Variants in HIVEP3 observed in about 807,000 individuals in gnomAD.
HIVEP3 encodes transcription factor HIVEP3.
HIVEP3 carries 49 observed loss-of-function variants against 152.8 expected under a neutral mutation model. The observed-to-expected ratio is 0.32, with a 90% CI of 0.26 to 0.41. The LOEUF is 0.41. Among genes scored for constraint, HIVEP3 ranks in the 10% least tolerant of loss-of-function variants. The probability of loss-of-function intolerance (pLI) is 1.00; values close to 1 mark genes in which losing one functional copy is unlikely to be tolerated. For missense variants in HIVEP3, 2,790 were observed against 3,103.3 expected (o/e 0.90, Z 2.40); for synonymous variants, 1,269 against 1,289.0 (o/e 0.98, Z 0.33).
intron 1 of HIVEP3, among the ~76,000 whole-genome samples, chr1:41,783,517 G>T (rs961210093): frequency 3.3e-5 from 5 of 152,120 alleles, no homozygotes; most frequent in Non-Finnish European, 7.4e-5. Context: ...GGGCTCGCAG[G>T]GTGATGGGAG....
At chr1:41,635,048 C>A (rs1645249007) in intron 2 of HIVEP3, among the ~76,000 whole-genome samples, 1 of 152,104 alleles carries the variant, frequency 6.6e-6, no homozygotes, top group African/African-American at 2.4e-5. Flanking sequence ...TACTAGACTG[C>A]AAGAAAATCT....
chr1:41,544,895 CATCACCACCACCACT>C (rs1643674111), intron 5 of HIVEP3, among the ~76,000 whole-genome samples: 4 of 28,444 alleles, frequency 1.4e-4, no homozygotes, highest in African/African-American at 1.9e-4. Context: ...CTACCACCAC[CATCACCACCACCACT>C]ACCACCTCTA....
chr1:41,720,863 C>T lies in HIVEP3; in HGVS notation c.-800-19868G>A, dbSNP rs928045719. On this transcript the variant is annotated intron_variant, in intron 1 of 8. Transcript: ENST00000372583. ...ACACATACAGTTGAATATTATTCAG[C>T]CTTAAAAAAGAAGGAAATCCTGCAA... Among the ~76,000 whole-genome samples the T allele has an allele frequency of 7.9e-5, 12 of 152,248 alleles. No homozygotes were observed. In the South Asian group the frequency reaches 8.3e-4, roughly 11 times the overall value.
At position 41,638,439 on chromosome 1, in the gene HIVEP3, GAA is replaced by G. The variant is rs1461752230; in HGVS notation, c.-720-9494_-720-9493del. The stretch of plus-strand genomic sequence containing the variant: ...GTAAGGAAGAAAAGGAAGAAAGAAA[GAA>G]AGAGAAAAGAAGAGATGGATGGTGG... On this transcript the variant is annotated intron_variant, in intron 2 of 8. Transcript: ENST00000372583. Among the ~76,000 whole-genome samples, 38 of 152,204 alleles carry G rather than the reference GAA, an allele frequency of 2.5e-4. No individual in the cohort carries two copies. In the East Asian group the frequency reaches 6.6e-3, roughly 26 times the overall value.
intron 1 of HIVEP3, among the ~76,000 whole-genome samples, chr1:41,993,538 A>T (rs187873310): frequency 0.03 from 4,544 of 151,854 alleles, 103 homozygotes; most frequent in African/African-American, 0.057. Flanking sequence ...AGGAACACTT[A>T]TACACTGTTG....
intron 1 of HIVEP3, among the ~76,000 whole-genome samples, chr1:41,970,728 C>T (rs116226313): frequency 0.021 from 3,158 of 152,220 alleles, 65 homozygotes; most frequent in Non-Finnish European, 0.025. Context: ...GAGCTCATTA[C>T]GGTGAGCCCT....
intron 1 of HIVEP3, among the ~76,000 whole-genome samples, chr1:41,829,627 C>T (rs866081838): frequency 6.6e-6 from 1 of 151,628 alleles, no homozygotes; most frequent in African/African-American, 2.4e-5. Context: ...AACAAAACAG[C>T]AGATGTAAAT....
chr1:41,881,240 C>G (rs1644256297), intron 1 of HIVEP3, among the ~76,000 whole-genome samples: 1 of 152,224 alleles, frequency 6.6e-6, no homozygotes, highest in Non-Finnish European at 1.5e-5. Flanking sequence ...TTTGTGCTGA[C>G]TGCTTTTCAA....
chr1:41,531,524 A>G (rs670196), intron 5 of HIVEP3, among the ~76,000 whole-genome samples: 2,966 of 33,798 alleles, frequency 0.088, 58 homozygotes, highest in East Asian at 0.47. Flanking sequence ...AGAGGACAGG[A>G]GAGATGGAGG....
In HIVEP3 at chr1:41,533,373, C is replaced by G. The variant is rs543736772; in HGVS notation, c.5208-8463G>C. On this transcript the variant is annotated intron_variant, in intron 5 of 8. Coordinates refer to ENST00000372583, the MANE Select transcript of HIVEP3 (RefSeq NM_024503.5). The surrounding 1 kb of genome is among the most constrained non-coding windows in gnomAD (Gnocchi z 4.3). Reference sequence around the variant, plus strand: ...TGCCTCCCTCTCCTAGCCCCTTCCACCACCACAGACACAAGCCCAGCTCTC... The same window carrying G: ...TGCCTCCCTCTCCTAGCCCCTTCCAGCACCACAGACACAAGCCCAGCTCTC... Among the ~76,000 whole-genome samples, 4 of 152,244 alleles carry G rather than the reference C, an allele frequency of 2.6e-5. No individual in the cohort carries two copies. In the East Asian group the frequency reaches 7.7e-4, roughly 29 times the overall value.
At chr1:41,627,465 T>G (rs1391861543) in intron 3 of HIVEP3, among the ~76,000 whole-genome samples, 2 of 152,270 alleles carry the variant, frequency 1.3e-5, no homozygotes, top group Admixed American at 1.3e-4. Flanking sequence ...TTCCTTGGAA[T>G]CCAGGGAACG....
intron 2 of HIVEP3, among the ~76,000 whole-genome samples, chr1:41,665,754 G>A (rs1645787063): frequency 1.8e-5 from 1 of 55,462 alleles, no homozygotes; most frequent in African/African-American, 8.5e-5. Context: ...TGGATCTGCT[G>A]TAAAGCCAGC....
At position 41,510,560 on chromosome 1, in the gene HIVEP3, T is replaced by C; in HGVS notation, c.7112A>G (p.Asn2371Ser). Residue 2371 changes from asparagine to serine, a missense_variant, in exon 9 of 9, where the codon AAC becomes AGC. Transcript: ENST00000372583. ...CCTGGTCCTGGGTTCCCCGGAGAGG[T>C]TCCTCGTCCGGGCTGGGAAGCGGGC... ...ASARFPARTRNLSGEPRTRQD... is the reference protein window; with the variant it reads ...ASARFPARTRSLSGEPRTRQD... The C allele has an allele frequency of 6.4e-7, 1 of 1,568,668 alleles. No individual in the cohort carries two copies. Among genetic ancestry groups the C allele is most frequent in the Non-Finnish European group, 8.6e-7 (1 of 1,156,970 alleles).
At chr1:41,972,408 T>C (rs1015304974) in intron 1 of HIVEP3, among the ~76,000 whole-genome samples, 1 of 152,194 alleles carries the variant, frequency 6.6e-6, no homozygotes, top group Admixed American at 6.5e-5. Flanking sequence ...ATTGATCTCC[T>C]GTTAGAGGCA....
In HIVEP3 at chr1:41,582,578, G is replaced by A. The variant is rs774055682; in HGVS notation, c.2220C>T (p.Pro740=). ...FESTKSQFGS[P]GPSDAARNLP... ...GGTTCCGAGCAGCATCAGATGGCCC[G>A]GGGCTGCCAAACTGACTTTTTGTGG... The change falls in exon 4 of 9, where the codon CCC becomes CCT. Residue 740 remains proline (P), a synonymous_variant. Transcript: ENST00000372583. The surrounding 1 kb of genome is among the most constrained non-coding windows in gnomAD (Gnocchi z 4.7). 6.2e-6 allele frequency: 10 copies of A among 1,612,148 alleles called. No homozygotes were observed. Among genetic ancestry groups the A allele is most frequent in the Admixed American group, 3.3e-5 (2 of 59,812 alleles).
intron 1 of HIVEP3, among the ~76,000 whole-genome samples, chr1:41,949,317 T>C (rs1334923778): frequency 6.6e-6 from 1 of 152,222 alleles, no homozygotes; most frequent in Admixed American, 6.5e-5. Context: ...GGTACTCGCA[T>C]TGGCGGTATC....
chr1:41,515,687 C>T (rs1051935259), intron 7 of HIVEP3, among the ~76,000 whole-genome samples: 7 of 152,194 alleles, frequency 4.6e-5, no homozygotes, highest in East Asian at 1.9e-4. Context: ...AGGGAATGGT[C>T]GGGTTTGAAT....
chr1:41,598,379 T>C (rs1302130605), intron 3 of HIVEP3, among the ~76,000 whole-genome samples: 1 of 152,216 alleles, frequency 6.6e-6, no homozygotes, highest in African/African-American at 2.4e-5. Flanking sequence ...GTGTCTACTA[T>C]GGAGAGCAAT....
At chr1:41,603,322 C>T (rs1014961298) in intron 3 of HIVEP3, among the ~76,000 whole-genome samples, 1 of 152,002 alleles carries the variant, frequency 6.6e-6, no homozygotes, top group Admixed American at 6.6e-5. Context: ...CCCACCTCGG[C>T]CTCCCAAAGC....
Sources: allele counts gnomAD v4.1 joint callset (sites outside exome capture counted in the v4.1 genomes callset), GRCh38; gene constraint gnomAD v4.1.1; non-coding constraint Gnocchi (gnomAD v3.1); transcripts MANE v1.5; gene names NCBI Gene and HGNC (gene_info 2026-07-23, HGNC 2026-07-21).